Variants in PRDM6 observed in about 807,000 individuals in gnomAD.
The protein encoded by PRDM6 is putative histone-lysine N-methyltransferase PRDM6.
A neutral mutation model predicts 60.8 loss-of-function variants in PRDM6; 25 were observed. That is an observed-to-expected ratio of 0.41 (90% CI 0.30 to 0.57). The LOEUF (loss-of-function observed/expected upper bound fraction) is 0.57, where lower values mean the gene tolerates loss of function less well. Among genes scored for constraint, PRDM6 ranks in the 20% least tolerant of loss-of-function variants. PRDM6 has a pLI of 0.27. For missense variants in PRDM6, 839 were observed against 821.3 expected (o/e 1.02, Z -0.26); for synonymous variants, 407 against 357.4 (o/e 1.14, Z -1.57).
intron 3 of PRDM6, among the ~76,000 whole-genome samples, chr5:123,139,762 G>C (rs1332498890): frequency 6.6e-6 from 1 of 152,022 alleles, no homozygotes; most frequent in Non-Finnish European, 1.5e-5. Context: ...TGGGGACCTT[G>C]GGTTTATTAC....
At chr5:123,107,822 G>A (rs147955256) in intron 3 of PRDM6, among the ~76,000 whole-genome samples, 228 of 152,288 alleles carry the variant, frequency 1.5e-3, no homozygotes, top group African/African-American at 5.0e-3. Context: ...CCAGTGGTTT[G>A]GTGGCACCTT....
chr5:123,149,633 T>TA (rs1349308855), intron 3 of PRDM6, among the ~76,000 whole-genome samples: 1 of 152,214 alleles, frequency 6.6e-6, no homozygotes, highest in African/African-American at 2.4e-5. Context: ...TGATTAACTT[T>TA]AGGAAAGTGT....
Position 123,090,602 on chromosome 5 carries a change from C to A in PRDM6, c.588C>A (p.Asn196Lys). Residue 196 changes from asparagine to lysine, a missense_variant, in exon 2 of 8, where the codon AAC becomes AAA. Physicochemically the swap from Asn to Lys is moderately conservative, Grantham distance 94. Around this residue, in one of 2 missense-constraint regions of PRDM6, gnomAD observed 730 missense variants for 648.8 expected, o/e 1.13. Coordinates refer to ENST00000407847, the MANE Select transcript of PRDM6 (RefSeq NM_001136239.4). ...IPLNQHTSDP[N>K]NRCDMCADNR... is the part of the protein sequence containing the mutation. ...TCAACCAGCACACCAGCGACCCCAA[C>A]AACCGTACGTAGCCGCAGCCCGCGC... 1.3e-6 allele frequency: 2 copies of A among 1,521,970 alleles called. No homozygotes were observed. Among genetic ancestry groups the A allele is most frequent in the Admixed American group, 4.0e-5 (2 of 50,134 alleles). 94.3% of individuals were successfully genotyped at this position (1,521,970 alleles called of 1,614,324 possible). A position where few individuals can be genotyped will look rare whatever the true frequency, so the allele number is the denominator to read the frequency against.
chr5:123,125,653 A>C (rs551415510), intron 3 of PRDM6, among the ~76,000 whole-genome samples: 3 of 152,342 alleles, frequency 2.0e-5, no homozygotes, highest in South Asian at 4.1e-4. Context: ...ATTAGGATTA[A>C]GGAAGAAGTT....
Position 123,099,723 on chromosome 5 carries a change from G to T in PRDM6, c.662G>T (p.Arg221Leu). 1 of 1,536,644 alleles carries T rather than the reference G, an allele frequency of 6.5e-7. No homozygotes were observed. The change falls in exon 3 of 8, where the codon CGG (arginine) becomes CTG (leucine). Residue 221 changes from arginine (R) to leucine (L), a missense_variant. Arg to Leu is a moderately radical substitution (Grantham distance 102, BLOSUM62 -2). This residue lies in a region of PRDM6 where 730 missense variants were observed against 648.8 expected (regional missense o/e 1.13). Coordinates refer to ENST00000407847, the MANE Select transcript of PRDM6 (RefSeq NM_001136239.4). This position sits in a 1 kb window ranked among gnomAD's most constrained non-coding sequence, Gnocchi z 4.0. The part of the protein sequence containing the change: ...PMHGPLHSLR[R>L]LVGTSSAAAA... ...CATGGGCCACTGCACTCGCTGCGCCGGCTTGTGGGCACCAGCAGCGCTGCG... is the reference window on the plus strand; with the variant it reads ...CATGGGCCACTGCACTCGCTGCGCCTGCTTGTGGGCACCAGCAGCGCTGCG...
At chr5:123,110,907 C>G (rs1424605415) in intron 3 of PRDM6, among the ~76,000 whole-genome samples, 2 of 152,056 alleles carry the variant, frequency 1.3e-5, no homozygotes, top group East Asian at 3.9e-4. Flanking sequence ...GATACTCAAA[C>G]TATGTCACGA....
chr5:123,090,772 A>G (rs1056668255), intron 2 of PRDM6, among the ~76,000 whole-genome samples, 166 bp downstream of exon 2: 3 of 152,120 alleles, frequency 2.0e-5, no homozygotes, highest in Non-Finnish European at 4.4e-5. Context: ...CTCTGTGACA[A>G]AAGTTTTCTG....
intron 6 of PRDM6, among the ~76,000 whole-genome samples, chr5:123,175,715 C>CA (rs1203255660): frequency 6.6e-6 from 1 of 152,136 alleles, no homozygotes; most frequent in Non-Finnish European, 1.5e-5. Context: ...ATTGTGGCCC[C>CA]AACTGAACAA....
intron 3 of PRDM6, among the ~76,000 whole-genome samples, chr5:123,133,801 G>A (rs1764892129): frequency 1.3e-5 from 2 of 148,478 alleles, no homozygotes; most frequent in South Asian, 2.1e-4. Context: ...CAGTTGATTT[G>A]AAACAAAAAT....
rs1171056385 is a variant in PRDM6 at position 123,099,133 on chromosome 5, C to T, written c.593-521C>T. 6.6e-6 allele frequency among the ~76,000 whole-genome samples: 1 copy of T among 152,132 alleles called. No homozygotes were observed. The highest frequency in any genetic ancestry group is 1.9e-4 in the East Asian group (1 of 5,192). ...TTGTAAAAAGAGGAAAGCTGAATACCCAGACGACCAGTATAGAATCTCTTC... is the reference window on the plus strand; with the variant it reads ...TTGTAAAAAGAGGAAAGCTGAATACTCAGACGACCAGTATAGAATCTCTTC... On this transcript the variant is annotated intron_variant, in intron 2 of 7. Coordinates refer to ENST00000407847, the MANE Select transcript of PRDM6 (RefSeq NM_001136239.4). The surrounding 1 kb of genome is among the most constrained non-coding windows in gnomAD (Gnocchi z 4.0).
intron 6 of PRDM6, among the ~76,000 whole-genome samples, chr5:123,173,838 C>G (rs1000339148): frequency 6.6e-6 from 1 of 152,120 alleles, no homozygotes; most frequent in Non-Finnish European, 1.5e-5. Context: ...CATTTCTGTT[C>G]CGGAACCCAG....
At chr5:123,127,817 G>A (rs937467624) in intron 3 of PRDM6, among the ~76,000 whole-genome samples, 8 of 143,542 alleles carry the variant, frequency 5.6e-5, no homozygotes, top group South Asian at 2.2e-4. Flanking sequence ...TGTGCATAAC[G>A]TGCAGGTTTC....
At chr5:123,101,228 C>G (rs948793662) in intron 3 of PRDM6, among the ~76,000 whole-genome samples, 2 of 152,228 alleles carry the variant, frequency 1.3e-5, no homozygotes, top group South Asian at 2.1e-4. Context: ...AAAAACAGAC[C>G]TGGTATCCGG....
At chr5:123,161,968 G>A (rs1765641777) in intron 5 of PRDM6, among the ~76,000 whole-genome samples, 1 of 152,180 alleles carries the variant, frequency 6.6e-6, no homozygotes, top group Non-Finnish European at 1.5e-5. Flanking sequence ...GGAAGTGGTG[G>A]AGGTGGTGAG....
At chr5:123,130,729 T>C (rs1764813620) in intron 3 of PRDM6, among the ~76,000 whole-genome samples, 1 of 152,058 alleles carries the variant, frequency 6.6e-6, no homozygotes, top group Non-Finnish European at 1.5e-5. Context: ...CATGCCCGGC[T>C]AATTGTTTTG....
Position 123,159,933 on chromosome 5 carries a change from G to T in PRDM6, c.1153+295G>T, listed in dbSNP as rs78148235. ...GGTATTCACTGAGTACCTACTATGT[G>T]TCTGGTTCTATGCTTGCCACCTTAG... On this transcript the variant is annotated intron_variant, in intron 5 of 7. Transcript: ENST00000407847. Among the ~76,000 whole-genome samples, 80 of 152,310 alleles carry T rather than the reference G, an allele frequency of 5.3e-4. No individual in the cohort carries two copies. The East Asian group carries it at 0.014, about 26-fold the overall frequency.
At chr5:123,126,695 T>G (rs1764701864) in intron 3 of PRDM6, among the ~76,000 whole-genome samples, 1 of 152,172 alleles carries the variant, frequency 6.6e-6, no homozygotes, top group South Asian at 2.1e-4. Context: ...CTACATTTTC[T>G]TAGAATGTAG....
At chr5:123,178,059 A>G (rs1440560885) in intron 6 of PRDM6, among the ~76,000 whole-genome samples, 2 of 152,194 alleles carry the variant, frequency 1.3e-5, no homozygotes, top group East Asian at 1.9e-4. Context: ...CTTTGATATA[A>G]GAATTCAACA....
chr5:123,111,671 AG>A (rs1274141477), intron 3 of PRDM6, among the ~76,000 whole-genome samples: 1 of 148,690 alleles, frequency 6.7e-6, no homozygotes, highest in African/African-American at 2.5e-5. Context: ...GCGTTCCAGC[AG>A]GGGCGACAGA....
Sources: allele counts gnomAD v4.1 joint callset (sites outside exome capture counted in the v4.1 genomes callset), GRCh38; gene constraint gnomAD v4.1.1; regional missense constraint gnomAD v4.1.1; non-coding constraint Gnocchi (gnomAD v3.1); transcripts MANE v1.5; gene names NCBI Gene and HGNC (gene_info 2026-07-23, HGNC 2026-07-21).